The following ADAM29 variants were observed in gnomAD, a reference collection of about 807,000 sequenced individuals.
The protein encoded by ADAM29 is disintegrin and metalloproteinase domain-containing protein 29.
For synonymous variants in ADAM29, 367 were observed against 342.3 expected (o/e 1.07, Z -0.80); for missense variants, 969 against 1,001.8 (o/e 0.97, Z 0.44).
At chr4:174,950,795 A>T (rs1270838237) in intron 4 of ADAM29, among the ~76,000 whole-genome samples, 3 of 152,168 alleles carry the variant, frequency 2.0e-5, no homozygotes, top group Admixed American at 6.5e-5. Context: ...GAGTAATTAC[A>T]TCATGGGGGC....
At chr4:174,938,094 G>A (rs146883162) in intron 4 of ADAM29, among the ~76,000 whole-genome samples, 1 of 152,038 alleles carries the variant, frequency 6.6e-6, no homozygotes, top group East Asian at 1.9e-4. Context: ...AAGACATTGG[G>A]GACAATAGAT....
At chr4:174,971,699 A>T (rs1376536896) in intron 4 of ADAM29, among the ~76,000 whole-genome samples, 1 of 152,068 alleles carries the variant, frequency 6.6e-6, no homozygotes, top group South Asian at 2.1e-4. Context: ...AGTTCATCTT[A>T]TTTGGGAACT....
intron 4 of ADAM29, among the ~76,000 whole-genome samples, chr4:174,958,529 C>T (rs1745634881): frequency 6.6e-6 from 1 of 151,784 alleles, no homozygotes. Flanking sequence ...ATAATCTTCA[C>T]ATTTAAAATG....
chr4:174,955,750 G>A (rs1331754039), intron 4 of ADAM29, among the ~76,000 whole-genome samples: 1 of 151,932 alleles, frequency 6.6e-6, no homozygotes, highest in African/African-American at 2.4e-5. Context: ...AAAGCTAAAG[G>A]TTAAACTTAG....
intron 4 of ADAM29, among the ~76,000 whole-genome samples, chr4:174,968,340 T>C (rs991079322): frequency 6.6e-6 from 1 of 152,072 alleles, no homozygotes; most frequent in African/African-American, 2.4e-5. Flanking sequence ...TCAGACTACA[T>C]CGGGGAAGGA....
At chr4:174,953,719 A>AT (rs2111029373) in intron 4 of ADAM29, among the ~76,000 whole-genome samples, 1 of 151,912 alleles carries the variant, frequency 6.6e-6, no homozygotes, top group East Asian at 1.9e-4. Flanking sequence ...TTTTATTATT[A>AT]TTTTTTTCTG....
rs72710275 is a variant in ADAM29 at position 174,928,292 on chromosome 4, G to C, written c.-450-2694G>C. Among the ~76,000 whole-genome samples the C allele has an allele frequency of 4.6e-5, 7 of 151,882 alleles. No individual in the cohort carries two copies. In the East Asian group the frequency reaches 1.4e-3, roughly 30 times the overall value. On this transcript the variant is annotated intron_variant, in intron 2 of 4. Coordinates refer to ENST00000359240, the MANE Select transcript of ADAM29 (RefSeq NM_014269.4). ...ACAAGGCGAGGAACAGGGTCAGGGT[G>C]GGGGAGCTGAGATGGGTGTGCAGGT...
intron 4 of ADAM29, among the ~76,000 whole-genome samples, chr4:174,963,523 C>T (rs1380237323): frequency 6.6e-6 from 1 of 152,068 alleles, no homozygotes; most frequent in Admixed American, 6.6e-5. Flanking sequence ...TGCATATAAA[C>T]CACATATAGC....
Position 174,960,025 on chromosome 4 carries a change from G to A in ADAM29, c.-180-15321G>A, listed in dbSNP as rs142135933. On this transcript the variant is annotated intron_variant, in intron 4 of 4. Coordinates refer to ENST00000359240, the MANE Select transcript of ADAM29 (RefSeq NM_014269.4). ...ACTCACATTTTCTGTTTATTCTTTTGTGAGTTTGATGATGTGTTTTTAAAA... is the reference window on the plus strand; with the variant it reads ...ACTCACATTTTCTGTTTATTCTTTTATGAGTTTGATGATGTGTTTTTAAAA... 1.8e-4 allele frequency among the ~76,000 whole-genome samples: 28 copies of A among 152,018 alleles called. No homozygotes were observed. In the East Asian group the frequency reaches 5.4e-3, roughly 29 times the overall value.
At chr4:174,940,670 A>G (rs1299412381) in intron 4 of ADAM29, among the ~76,000 whole-genome samples, 1 of 152,166 alleles carries the variant, frequency 6.6e-6, no homozygotes, top group Non-Finnish European at 1.5e-5. Flanking sequence ...GAAGCACTTA[A>G]TAGACATCAC....
chr4:174,954,643 C>T (rs1460886366), intron 4 of ADAM29, among the ~76,000 whole-genome samples: 1 of 152,078 alleles, frequency 6.6e-6, no homozygotes, highest in Non-Finnish European at 1.5e-5. Context: ...CATTTAACAC[C>T]TGAGTCACTG....
At chr4:174,959,485 T>TGTG (rs1560883454) in intron 4 of ADAM29, among the ~76,000 whole-genome samples, 34 of 126,664 alleles carry the variant, frequency 2.7e-4, no homozygotes, top group African/African-American at 9.8e-4. Context: ...GTGTGTGTGT[T>TGTG]TGTGTGTTTG....
chr4:174,974,870 C>T (rs1746667426), intron 4 of ADAM29, among the ~76,000 whole-genome samples: 1 of 152,086 alleles, frequency 6.6e-6, no homozygotes, highest in Non-Finnish European at 1.5e-5. Flanking sequence ...TTTAAAATAA[C>T]ATAAGAATGG....
At chr4:174,958,791 T>A (rs558277096) in intron 4 of ADAM29, among the ~76,000 whole-genome samples, 125 of 151,952 alleles carry the variant, frequency 8.2e-4, no homozygotes, top group African/African-American at 2.6e-3. Flanking sequence ...ACTTCATTTT[T>A]ACATATCTGT....
intron 4 of ADAM29, among the ~76,000 whole-genome samples, chr4:174,945,407 T>G (rs141180788): frequency 1.3e-3 from 193 of 152,304 alleles, no homozygotes; most frequent in African/African-American, 4.4e-3. Flanking sequence ...CTTTGTCAGA[T>G]GCATAGTTTG....
intron 4 of ADAM29, among the ~76,000 whole-genome samples, chr4:174,963,071 T>G (rs999629051): frequency 1.3e-5 from 2 of 152,152 alleles, no homozygotes; most frequent in Non-Finnish European, 1.5e-5. Context: ...GTAGTCTCAT[T>G]AAAATACTTG....
intron 4 of ADAM29, among the ~76,000 whole-genome samples, chr4:174,945,942 TC>T (rs1242867906): frequency 7.2e-5 from 11 of 152,186 alleles, no homozygotes; most frequent in Non-Finnish European, 1.5e-4. Context: ...TCAGCTTTGT[TC>T]TTTTTGCTTA....
At chr4:174,932,451 G>A (rs867466929) in intron 3 of ADAM29, among the ~76,000 whole-genome samples, 6 of 152,266 alleles carry the variant, frequency 3.9e-5, no homozygotes, top group African/African-American at 4.8e-5. Context: ...AACCAAGTCT[G>A]TATCCTCACA....
intron 2 of ADAM29, among the ~76,000 whole-genome samples, chr4:174,930,274 T>A (rs553490386): frequency 6.6e-6 from 1 of 152,178 alleles, no homozygotes; most frequent in African/African-American, 2.4e-5. Context: ...CCACTCATGA[T>A]GTAAAGCTTG....
Sources: gnomAD v4.1 joint callset for allele counts (sites outside exome capture counted in the v4.1 genomes callset) on GRCh38, gnomAD v4.1.1 for gene constraint, MANE v1.5 for transcripts, NCBI Gene and HGNC (gene_info 2026-07-23, HGNC 2026-07-21) for gene names.